The following PDIA4 variants were observed in gnomAD, a reference collection of about 807,000 sequenced individuals.
PDIA4 encodes the protein protein disulfide isomerase family A member 4, also known as protein disulfide-isomerase A4.
In PDIA4, 33 loss-of-function variants were observed where a neutral mutation model predicts 62.1. That is an observed-to-expected ratio of 0.53 (90% CI 0.40 to 0.71). The LOEUF (loss-of-function observed/expected upper bound fraction) is 0.71, where lower values mean the gene tolerates loss of function less well. Among genes scored for constraint, PDIA4 ranks in the 30% least tolerant of loss-of-function variants. The pLI, the probability that PDIA4 is intolerant of heterozygous loss-of-function variation, is 0.00. For missense variants in PDIA4, 804 were observed against 813.6 expected, an observed-to-expected ratio of 0.99 and a Z score of 0.14; for synonymous variants, 341 against 324.1, an observed-to-expected ratio of 1.05 and a Z score of -0.56.
In PDIA4 at chr7:149,019,080, G is replaced by A; in HGVS notation, c.387C>T (p.Ala129=). 6.2e-7 allele frequency: 1 copy of A among 1,613,678 alleles called. No homozygotes were observed. Among genetic ancestry groups the A allele is most frequent in the Non-Finnish European group, 8.5e-7 (1 of 1,179,868 alleles). The change falls in exon 3 of 10, where the codon GCC becomes GCT. Residue 129 remains alanine, a synonymous_variant. Coordinates refer to ENST00000652332, the MANE Select transcript of PDIA4 (RefSeq NM_004911.5). ...GGTAGCCACTCACATCAAACCTGCT[G>A]GCCAGCACAGACGCTGAGGTTGCAT... ...KIDATSASVL[A]SRFDVSGYPT... is the part of the protein sequence containing the mutation.
chr7:149,007,797 C>T (rs989855723), intron 7 of PDIA4, among the ~76,000 whole-genome samples: 1 of 152,262 alleles, frequency 6.6e-6, no homozygotes, highest in Non-Finnish European at 1.5e-5. Flanking sequence ...TTGGCCTCAA[C>T]GGAGCACCAT....
At chr7:149,006,118 G>A (rs1475151217) in intron 7 of PDIA4, 65 bp from the exon 8 acceptor site, 4 of 1,500,862 alleles carry the variant, frequency 2.7e-6, no homozygotes, top group Non-Finnish European at 3.5e-6. Flanking sequence ...TGAGTACAAT[G>A]TTTGAGGGAC....
rs111873176 is a variant in PDIA4 at position 149,019,058 on chromosome 7, A to G, written c.409T>C (p.Tyr137His). ...TTCTTAAGGATCTTGATGGTGGGGTAGCCACTCACATCAAACCTGCTGGCC... is the reference window on the plus strand; with the variant it reads ...TTCTTAAGGATCTTGATGGTGGGGTGGCCACTCACATCAAACCTGCTGGCC... ...VLASRFDVSG[Y>H]PTIKILKKGQ... The change falls in exon 3 of 10, where the codon TAC becomes CAC. Residue 137 changes from tyrosine to histidine, a missense_variant. Tyr to His is a moderately conservative substitution (Grantham distance 83). Transcript: ENST00000652332. 8 of 1,613,726 alleles carry G rather than the reference A, an allele frequency of 5.0e-6. No homozygotes were observed. In the South Asian group the frequency reaches 6.6e-5, roughly 13 times the overall value.
intron 7 of PDIA4, among the ~76,000 whole-genome samples, chr7:149,007,285 GCCCCCGGGATTCCTGTCCTGTCACA>G (rs959258017): frequency 8.5e-5 from 13 of 152,108 alleles, no homozygotes; most frequent in Admixed American, 6.6e-4. Flanking sequence ...TCTGGTGCAG[GCCCCCGGGATTCCTGTCCTGTCACA>G]CCCCCTGCTC....
intron 6 of PDIA4, 96 bp downstream of exon 6, chr7:149,011,750 C>G: frequency 9.9e-7 from 1 of 1,006,050 alleles, no homozygotes; most frequent in Non-Finnish European, 1.4e-6. Context: ...TCAAACCACC[C>G]CCTAATGGAT....
At chr7:149,004,676 G>A (rs1823678348) in intron 9 of PDIA4, among the ~76,000 whole-genome samples, 1 of 152,356 alleles carries the variant, frequency 6.6e-6, no homozygotes, top group African/African-American at 2.4e-5. Flanking sequence ...AAGAGGCTCT[G>A]AGTCAGGCTC....
At chr7:149,009,052 T>C (rs1406656787) in intron 6 of PDIA4, among the ~76,000 whole-genome samples, 1 of 152,198 alleles carries the variant, frequency 6.6e-6, no homozygotes, top group Non-Finnish European at 1.5e-5. Context: ...TGCCTCAGCC[T>C]CCCAAGTAGC....
At chr7:149,027,166 C>A (rs1202821835) in intron 1 of PDIA4, among the ~76,000 whole-genome samples, 3 of 152,230 alleles carry the variant, frequency 2.0e-5, no homozygotes, top group Admixed American at 6.5e-5. Flanking sequence ...CCGGGGCCCA[C>A]CCCTGCATTC....
intron 4 of PDIA4, 110 bp downstream of exon 4, chr7:149,014,794 C>T (rs973166305): frequency 6.1e-6 from 6 of 983,718 alleles, no homozygotes; most frequent in African/African-American, 1.6e-5. Context: ...GCCTACAACT[C>T]GTGCCCACCT....
intron 7 of PDIA4, among the ~76,000 whole-genome samples, chr7:149,006,843 G>A (rs1404240016): frequency 2.0e-5 from 3 of 152,212 alleles, no homozygotes; most frequent in Admixed American, 6.5e-5. Context: ...ATGACATGGC[G>A]CTGCGTGCAC....
intron 1 of PDIA4, 183 bp downstream of exon 1, chr7:149,028,138 A>G (rs991223844): frequency 4.9e-5 from 29 of 596,532 alleles, no homozygotes; most frequent in African/African-American, 4.3e-4. Flanking sequence ...CGATCCTGCC[A>G]CTGCCACAGC....
At chr7:149,019,270 C>A in intron 2 of PDIA4, 73 bp from the exon 3 acceptor site, 3 of 1,086,934 alleles carry the variant, frequency 2.8e-6, no homozygotes, top group South Asian at 1.3e-5. Flanking sequence ...ATAATACATA[C>A]CACTTTGGTT....
At chr7:149,025,889 G>C (rs563514396) in intron 1 of PDIA4, among the ~76,000 whole-genome samples, 8 of 152,248 alleles carry the variant, frequency 5.3e-5, no homozygotes, top group Admixed American at 4.6e-4. Context: ...CAACAAACAG[G>C]ATCAGAATAT....
Position 149,026,793 on chromosome 7 carries a change from T to C in PDIA4, c.88+1528A>G, listed in dbSNP as rs566702837. Reference sequence around the variant, plus strand: ...AAGCCTGGGCAACAATGCGTAACCTTATCTAGGAAAAAAAAAAAAAAAAAC... The same window carrying C: ...AAGCCTGGGCAACAATGCGTAACCTCATCTAGGAAAAAAAAAAAAAAAAAC... On this transcript the variant is annotated intron_variant, in intron 1 of 9. Coordinates refer to ENST00000652332, the MANE Select transcript of PDIA4 (RefSeq NM_004911.5). Among the ~76,000 whole-genome samples, 109 of 136,784 alleles carry C rather than the reference T, an allele frequency of 8.0e-4. 1 individual carries two copies. Among genetic ancestry groups the C allele is most frequent in the African/African-American group, 3.2e-3 (107 of 33,948 alleles). 89.7% of individuals were successfully genotyped at this position (136,784 alleles called of 152,430 possible). A position where few individuals can be genotyped will look rare whatever the true frequency, so the allele number is the denominator to read the frequency against.
At chr7:149,021,254 G>A (rs1824340623) in intron 1 of PDIA4, 107 bp from the exon 2 acceptor site, 1 of 1,054,370 alleles carries the variant, frequency 9.5e-7, no homozygotes, top group Non-Finnish European at 1.4e-6. Flanking sequence ...ACTTTGGGAG[G>A]CTGAGGTGGG....
At chr7:149,026,575 C>T (rs1414795061) in intron 1 of PDIA4, among the ~76,000 whole-genome samples, 1 of 151,752 alleles carries the variant, frequency 6.6e-6, no homozygotes, top group East Asian at 1.9e-4. Flanking sequence ...CACTTGAACT[C>T]GGGAAGCAGA....
At chr7:149,028,221 C>T in intron 1 of PDIA4, 100 bp downstream of exon 1, 1 of 838,012 alleles carries the variant, frequency 1.2e-6, no homozygotes, top group Non-Finnish European at 1.8e-6. Flanking sequence ...TGGAGCTGAC[C>T]GCGCGGAAGC....
rs371907961 is a variant in PDIA4, at chr7:149,012,298, C to T, written c.677G>A (p.Arg226His). 87 of 1,613,932 alleles carry T rather than the reference C, an allele frequency of 5.4e-5. No individual in the cohort carries two copies. The highest frequency in any genetic ancestry group is 6.6e-5 in the Non-Finnish European group (78 of 1,180,032). ...YEKAAKELSK[R>H]SPPIPLAKVD... ...CTTTGCCAGGGGAATTGGAGGAGAACGCTTGCTGAGCTCCTTGGCGGCCTT... is the reference window on the plus strand; with the variant it reads ...CTTTGCCAGGGGAATTGGAGGAGAATGCTTGCTGAGCTCCTTGGCGGCCTT... Residue 226 changes from arginine (R) to histidine (H), a missense_variant, in exon 5 of 10, where the codon CGT (arginine) becomes CAT (histidine). Arg to His is a conservative substitution (Grantham distance 29). Coordinates refer to ENST00000652332, the MANE Select transcript of PDIA4 (RefSeq NM_004911.5).
intron 7 of PDIA4, among the ~76,000 whole-genome samples, chr7:149,006,842 C>T (rs1321020100): frequency 6.6e-6 from 1 of 152,308 alleles, no homozygotes; most frequent in East Asian, 1.9e-4. Flanking sequence ...CATGACATGG[C>T]GCTGCGTGCA....
Sources: allele counts gnomAD v4.1 joint callset (sites outside exome capture counted in the v4.1 genomes callset), GRCh38; gene constraint gnomAD v4.1.1; transcripts MANE v1.5; gene names NCBI Gene and HGNC (gene_info 2026-07-23, HGNC 2026-07-21).